Variants in BICC1 observed in about 807,000 individuals in gnomAD.
BICC1 encodes protein bicaudal C homolog 1.
A neutral mutation model predicts 111.0 loss-of-function variants in BICC1; 43 were observed. That is an observed-to-expected ratio of 0.39 (90% CI 0.30 to 0.50). The LOEUF (loss-of-function observed/expected upper bound fraction) is 0.50, where lower values mean the gene tolerates loss of function less well. BICC1 is among the 20% of genes least tolerant of loss of function. The probability of loss-of-function intolerance (pLI) is 0.88; values close to 1 mark genes in which losing one functional copy is unlikely to be tolerated. For missense variants in BICC1, 1,091 were observed against 1,203.2 expected (o/e 0.91, Z 1.38); for synonymous variants, 467 against 434.4 (o/e 1.07, Z -0.93).
intron 16 of BICC1, 99 bp from the exon 17 acceptor site, chr10:58,806,905 A>C (rs965493605): frequency 1.5e-5 from 16 of 1,080,566 alleles, no homozygotes; most frequent in Non-Finnish European, 2.1e-5. Context: ...TTCAGTGATA[A>C]TTTCTTCACA....
At chr10:58,694,679 TAAC>T (rs1840017904) in intron 2 of BICC1, among the ~76,000 whole-genome samples, 1 of 152,160 alleles carries the variant, frequency 6.6e-6, no homozygotes, top group Admixed American at 6.5e-5. Context: ...TAATCGCTGT[TAAC>T]AACCACAATG....
chr10:58,690,838 G>A (rs1425648459), intron 2 of BICC1, among the ~76,000 whole-genome samples: 1 of 152,148 alleles, frequency 6.6e-6, no homozygotes, highest in Non-Finnish European at 1.5e-5. Context: ...AAAAAAGCAT[G>A]TGTGAATCTA....
chr10:58,679,745 T>C (rs1839457086), intron 2 of BICC1, among the ~76,000 whole-genome samples: 1 of 152,110 alleles, frequency 6.6e-6, no homozygotes, highest in Admixed American at 6.6e-5. Flanking sequence ...AAAGAAAATT[T>C]CAGGCCGGTA....
chr10:58,681,662 T>G (rs1839525094), intron 2 of BICC1, among the ~76,000 whole-genome samples: 1 of 151,810 alleles, frequency 6.6e-6, no homozygotes, highest in Non-Finnish European at 1.5e-5. Context: ...TTCCTTCCGG[T>G]GGGTTCTTGG....
chr10:58,601,937 T>G (rs954628723), intron 1 of BICC1, among the ~76,000 whole-genome samples: 3 of 152,090 alleles, frequency 2.0e-5, no homozygotes, highest in African/African-American at 7.2e-5. Flanking sequence ...CTAGAGAATG[T>G]TTACATTATA....
chr10:58,574,694 C>T (rs1844056468), intron 1 of BICC1, among the ~76,000 whole-genome samples: 1 of 152,022 alleles, frequency 6.6e-6, no homozygotes, highest in Admixed American at 6.6e-5. Context: ...TAAATTGAGA[C>T]AATTTTAATA....
chr10:58,685,301 G>C (rs1243773876), intron 2 of BICC1, among the ~76,000 whole-genome samples: 1 of 152,118 alleles, frequency 6.6e-6, no homozygotes, highest in Non-Finnish European at 1.5e-5. Flanking sequence ...TGTGTGGTCA[G>C]TTTTGGAATA....
intron 1 of BICC1, among the ~76,000 whole-genome samples, chr10:58,522,347 C>T (rs1392790926): frequency 6.6e-6 from 1 of 152,010 alleles, no homozygotes; most frequent in East Asian, 1.9e-4. Context: ...GAAATTATAA[C>T]AAACTGTCTC....
chr10:58,799,015 A>G, intron 11 of BICC1, 41 bp from the exon 12 acceptor site: 1 of 1,358,532 alleles, frequency 7.4e-7, no homozygotes, highest in Non-Finnish European at 1.0e-6. Context: ...GTTGAATCTG[A>G]GTTTCTTCCT....
At chr10:58,661,006 C>G (rs181496086) in intron 2 of BICC1, among the ~76,000 whole-genome samples, 1 of 152,252 alleles carries the variant, frequency 6.6e-6, no homozygotes, top group Admixed American at 6.5e-5. Flanking sequence ...GAGGTAAGTT[C>G]TCATTAATTG....
intron 2 of BICC1, among the ~76,000 whole-genome samples, chr10:58,700,339 G>C (rs137904449): frequency 6.6e-6 from 1 of 152,128 alleles, no homozygotes; most frequent in Middle Eastern, 3.2e-3. Flanking sequence ...CTCAGAAGGG[G>C]AGCCTGCTGG....
At chr10:58,626,590 A>G (rs190370764) in intron 2 of BICC1, among the ~76,000 whole-genome samples, 176 of 152,274 alleles carry the variant, frequency 1.2e-3, no homozygotes, top group Non-Finnish European at 1.8e-3. Flanking sequence ...CTAGTCTTTC[A>G]AGTTTTGTTC....
rs111552517 is a variant in BICC1, at chr10:58,776,126, C to T, written c.308-8875C>T. Among the ~76,000 whole-genome samples, 447 of 152,248 alleles carry T rather than the reference C, an allele frequency of 2.9e-3. 3 individuals are homozygous for T. The highest frequency in any genetic ancestry group is 3.5e-3 in the Non-Finnish European group (240 of 68,024). ...GAATCTCTTCAAGAGACAGGTTTTC[C>T]GGTTTCTAAATTCTTATCTGAGTAG... On this transcript the variant is annotated intron_variant, in intron 3 of 20. Transcript: ENST00000373886.
intron 3 of BICC1, among the ~76,000 whole-genome samples, chr10:58,728,390 A>C (rs1434435963): frequency 6.6e-6 from 1 of 152,012 alleles, no homozygotes; most frequent in Non-Finnish European, 1.5e-5. Flanking sequence ...TGTCTCATCC[A>C]CTCAAGTTTT....
At chr10:58,756,081 C>A (rs578247526) in intron 3 of BICC1, among the ~76,000 whole-genome samples, 1 of 152,268 alleles carries the variant, frequency 6.6e-6, no homozygotes, top group Admixed American at 6.5e-5. Flanking sequence ...TCTGCTTGTT[C>A]CATTTTCACT....
At chr10:58,604,168 T>C (rs1845133607) in intron 1 of BICC1, among the ~76,000 whole-genome samples, 1 of 152,142 alleles carries the variant, frequency 6.6e-6, no homozygotes, top group Non-Finnish European at 1.5e-5. Context: ...TTCACTTAAT[T>C]ATCCTCTGAT....
chr10:58,805,668 C>A (rs1843688798), intron 15 of BICC1, among the ~76,000 whole-genome samples: 1 of 152,194 alleles, frequency 6.6e-6, no homozygotes, highest in African/African-American at 2.4e-5. Flanking sequence ...CACATTTCAC[C>A]TTCAGAAATG....
At chr10:58,800,835 A>T in intron 13 of BICC1, 55 bp from the exon 14 acceptor site, 1 of 1,499,364 alleles carries the variant, frequency 6.7e-7, no homozygotes. Flanking sequence ...GATAATTGTC[A>T]ACTGGAAGGT....
At chr10:58,566,760 T>G (rs1843777176) in intron 1 of BICC1, among the ~76,000 whole-genome samples, 1 of 152,180 alleles carries the variant, frequency 6.6e-6, no homozygotes, top group African/African-American at 2.4e-5. Context: ...ATCAGCAATG[T>G]TGAGCATTTT....
Sources: allele counts gnomAD v4.1 joint callset (sites outside exome capture counted in the v4.1 genomes callset), GRCh38; gene constraint gnomAD v4.1.1; transcripts MANE v1.5; gene names NCBI Gene and HGNC (gene_info 2026-07-23, HGNC 2026-07-21).